The following DLGAP1 variants were observed in gnomAD, a reference collection of about 807,000 sequenced individuals.
DLGAP1 encodes the protein DLG associated protein 1, also known as disks large-associated protein 1.
Under a neutral mutation model 90.8 loss-of-function variants are expected in DLGAP1, and 11 were observed. The observed-to-expected ratio is 0.12, with a 90% CI of 0.08 to 0.20. The LOEUF (loss-of-function observed/expected upper bound fraction) is 0.20, where lower values mean the gene tolerates loss of function less well. Ranked by LOEUF, DLGAP1 falls within the 10% of genes least tolerant of loss-of-function variation. The probability of loss-of-function intolerance (pLI) is 1.00; values close to 1 mark genes in which losing one functional copy is unlikely to be tolerated. For missense variants in DLGAP1, 1,050 were observed against 1,333.8 expected, an observed-to-expected ratio of 0.79 and a Z score of 3.31; for synonymous variants, 558 against 540.7, an observed-to-expected ratio of 1.03 and a Z score of -0.44.
chr18:3,709,570 A>T (rs1281952879), intron 7 of DLGAP1, among the ~76,000 whole-genome samples: 1 of 152,200 alleles, frequency 6.6e-6, no homozygotes, highest in Non-Finnish European at 1.5e-5. Flanking sequence ...ACATTTTTTC[A>T]GTCTGTGCAG....
intron 2 of DLGAP1, among the ~76,000 whole-genome samples, chr18:4,140,305 T>C (rs1361568021): frequency 6.6e-6 from 1 of 151,948 alleles, no homozygotes; most frequent in African/African-American, 2.4e-5. Context: ...GAGGTTACCA[T>C]GAGGCTTGCA....
At chr18:4,047,813 T>G (rs764295306) in intron 2 of DLGAP1, among the ~76,000 whole-genome samples, 52 of 152,208 alleles carry the variant, frequency 3.4e-4, no homozygotes, top group Non-Finnish European at 4.0e-4. Context: ...TTTTTAGTTT[T>G]TAGAGATGGG....
At chr18:4,377,015 T>C (rs1018082786) in intron 1 of DLGAP1, among the ~76,000 whole-genome samples, 2 of 152,172 alleles carry the variant, frequency 1.3e-5, no homozygotes, top group Non-Finnish European at 2.9e-5. Flanking sequence ...CATCCAGTGA[T>C]TGAATAGAAA....
At chr18:4,006,207 A>T (rs146943091) in intron 2 of DLGAP1, among the ~76,000 whole-genome samples, 1 of 152,278 alleles carries the variant, frequency 6.6e-6, no homozygotes, top group East Asian at 1.9e-4. Flanking sequence ...TTTTGATTAC[A>T]GGGAAAATAG....
chr18:3,850,390 T>A (rs1018371265), intron 4 of DLGAP1, among the ~76,000 whole-genome samples: 2 of 150,358 alleles, frequency 1.3e-5, no homozygotes, highest in African/African-American at 4.9e-5. Context: ...AGACTCCATC[T>A]CAAAAAAAAA....
chr18:4,403,910 C>T (rs74912993), intron 1 of DLGAP1, among the ~76,000 whole-genome samples: 251 of 152,148 alleles, frequency 1.6e-3, no homozygotes, highest in African/African-American at 5.5e-3. Context: ...ATTGTTTCTC[C>T]CTGGCTCCCT....
intron 3 of DLGAP1, among the ~76,000 whole-genome samples, chr18:3,881,527 A>G (rs541946953): frequency 7.2e-5 from 11 of 152,054 alleles, no homozygotes; most frequent in African/African-American, 2.7e-4. Flanking sequence ...CTCCCAGTCT[A>G]TTAGTCTCAT....
chr18:3,839,334 T>TG (rs2068576279), intron 4 of DLGAP1, among the ~76,000 whole-genome samples: 1 of 152,142 alleles, frequency 6.6e-6, no homozygotes, highest in African/African-American at 2.4e-5. Flanking sequence ...TACTGTCTAT[T>TG]GGGGGACAGG....
chr18:3,612,970 A>G (rs1175539373), intron 7 of DLGAP1, among the ~76,000 whole-genome samples: 1 of 151,898 alleles, frequency 6.6e-6, no homozygotes. Flanking sequence ...GGTCCTGAGT[A>G]GCTGGGATTA....
In DLGAP1 at chr18:3,727,284, G is replaced by A. The variant is rs1300235788; in HGVS notation, c.1591+1851C>T. Among the ~76,000 whole-genome samples, 1 of 152,132 alleles carries A rather than the reference G, an allele frequency of 6.6e-6. No homozygotes were observed. The highest frequency in any genetic ancestry group is 2.4e-5 in the African/African-American group (1 of 41,428). On this transcript the variant is annotated intron_variant, in intron 7 of 12. Transcript: ENST00000315677. The surrounding 1 kb of genome is among the most constrained non-coding windows in gnomAD (Gnocchi z 4.7). ...GGAGGGCAGACCCCATGTGTGTTTG[G>A]AGTGAAGAGCATGGGACAGGCGCTG... is the stretch of plus-strand genomic sequence containing the variant.
At chr18:3,636,544 T>G (rs2058722563) in intron 7 of DLGAP1, among the ~76,000 whole-genome samples, 1 of 151,152 alleles carries the variant, frequency 6.6e-6, no homozygotes, top group Non-Finnish European at 1.5e-5. Context: ...CCCGAGGAGC[T>G]GGGACTACAG....
At chr18:4,430,520 G>GTA (rs1397566938) in intron 1 of DLGAP1, 3 of 152,154 alleles carry the variant, frequency 2.0e-5, no homozygotes, top group African/African-American at 7.3e-5. Context: ...GTGTGTGTGT[G>GTA]TGTGTGTGTG....
At chr18:3,629,894 T>G (rs2058462159) in intron 7 of DLGAP1, among the ~76,000 whole-genome samples, 1 of 152,112 alleles carries the variant, frequency 6.6e-6, no homozygotes, top group Non-Finnish European at 1.5e-5. Flanking sequence ...TTTTAAAAAT[T>G]TTCATGCTCT....
rs114632498 is a variant in DLGAP1, at chr18:3,916,082, T to G, written c.-72-35942A>C. Among the ~76,000 whole-genome samples the G allele has an allele frequency of 4.0e-3, 613 of 152,280 alleles. 6 individuals carry two copies. Among genetic ancestry groups the G allele is most frequent in the African/African-American group, 0.014 (582 of 41,556 alleles). Reference sequence around the variant, plus strand: ...AAACAAATTAATATCCCCAAGGACATCCATAAGGCTTCCCTCTCAACATCT... The same window carrying G: ...AAACAAATTAATATCCCCAAGGACAGCCATAAGGCTTCCCTCTCAACATCT... On this transcript the variant is annotated intron_variant, in intron 3 of 12. Transcript: ENST00000315677.
chr18:3,779,015 C>G lies in DLGAP1; in HGVS notation c.1172+35044G>C, dbSNP rs142861989. Among the ~76,000 whole-genome samples the G allele has an allele frequency of 9.9e-4, 151 of 152,264 alleles. 1 individual carries two copies. In the East Asian group the frequency reaches 0.022, roughly 22 times the overall value. On this transcript the variant is annotated intron_variant, in intron 5 of 12. Coordinates refer to ENST00000315677, the MANE Select transcript of DLGAP1 (RefSeq NM_004746.4). Reference sequence around the variant, plus strand: ...TATTACTCTGACTAGGTCATCCCCCCACGACCCAGGCCCAAAGACCACCGT... The same window carrying G: ...TATTACTCTGACTAGGTCATCCCCCGACGACCCAGGCCCAAAGACCACCGT...
At chr18:3,614,774 G>A (rs1170997452) in intron 7 of DLGAP1, among the ~76,000 whole-genome samples, 3 of 148,918 alleles carry the variant, frequency 2.0e-5, no homozygotes, top group East Asian at 2.0e-4. Flanking sequence ...GCTTGATCCC[G>A]GGAGGCAGAT....
At chr18:4,395,487 G>A (rs1241606714) in intron 1 of DLGAP1, among the ~76,000 whole-genome samples, 1 of 152,156 alleles carries the variant, frequency 6.6e-6, no homozygotes, top group Non-Finnish European at 1.5e-5. Flanking sequence ...GCCAGAGACT[G>A]ATGGTTTCCT....
chr18:3,500,208 A>T (rs1417356864), intron 12 of DLGAP1, among the ~76,000 whole-genome samples: 2 of 152,204 alleles, frequency 1.3e-5, no homozygotes, highest in African/African-American at 4.8e-5. Flanking sequence ...GCAGCAAACT[A>T]TGAAATGGGC....
intron 12 of DLGAP1, among the ~76,000 whole-genome samples, chr18:3,501,949 GA>G (rs36071304): frequency 0.42 from 46,441 of 109,332 alleles, 7,874 homozygotes; most frequent in East Asian, 0.56. Context: ...AAACTGTTTT[GA>G]AAAAAAAAAA....
Sources: allele counts gnomAD v4.1 joint callset (sites outside exome capture counted in the v4.1 genomes callset), GRCh38; gene constraint gnomAD v4.1.1; non-coding constraint Gnocchi (gnomAD v3.1); transcripts MANE v1.5; gene names NCBI Gene and HGNC (gene_info 2026-07-23, HGNC 2026-07-21).